The following CAMK2D variants were observed in gnomAD, a reference collection of about 807,000 sequenced individuals.
CAMK2D encodes the protein calcium/calmodulin dependent protein kinase II delta, also known as calcium/calmodulin-dependent protein kinase type II subunit delta.
In CAMK2D, 37 loss-of-function variants were observed where a neutral mutation model predicts 84.0. The ratio of observed to expected loss-of-function variants is 0.44; its 90% CI spans 0.34 to 0.58. CAMK2D has a LOEUF of 0.58. CAMK2D is among the 20% of genes least tolerant of loss of function. The pLI is 0.02. For synonymous variants in CAMK2D, 202 were observed against 212.5 expected, an observed-to-expected ratio of 0.95 and a Z score of 0.43; for missense variants, 448 against 652.5, an observed-to-expected ratio of 0.69 and a Z score of 3.41.
chr4:113,465,570 T>G lies in CAMK2D; in HGVS notation c.1170A>C (p.Gln390His). ...CCCCATTGTTGATAGCTTCGATCAG[T>G]TGTTCAGTGACTTTGATAATCTCTT... ...RKQEIIKVTE[Q>H]LIEAINNGDF... is the part of the protein sequence containing the mutation. Residue 390 changes from glutamine to histidine, a missense_variant, in exon 17 of 21, where the codon CAA becomes CAC. Around this residue, in one of 7 missense-constraint regions of CAMK2D, gnomAD observed 219 missense variants for 272.1 expected, o/e 0.80. Coordinates refer to ENST00000511664, the MANE Select transcript of CAMK2D (RefSeq NM_001321571.2). 1 of 1,613,234 alleles carries G rather than the reference T, an allele frequency of 6.2e-7. No individual in the cohort carries two copies. Among genetic ancestry groups the G allele is most frequent in the Non-Finnish European group, 8.5e-7 (1 of 1,179,238 alleles).
chr4:113,534,184 T>G (rs2154185306), intron 7 of CAMK2D, among the ~76,000 whole-genome samples: 1 of 152,282 alleles, frequency 6.6e-6, no homozygotes, highest in African/African-American at 2.4e-5. Flanking sequence ...CAGATCATAA[T>G]GAATAAACAT....
At chr4:113,685,078 T>C (rs2099355792) in intron 2 of CAMK2D, among the ~76,000 whole-genome samples, 1 of 152,104 alleles carries the variant, frequency 6.6e-6, no homozygotes, top group Admixed American at 6.6e-5. Context: ...AGTAAACCAA[T>C]GATAGGAGGG....
At chr4:113,577,756 AT>A (rs36039505) in intron 4 of CAMK2D, among the ~76,000 whole-genome samples, 88,160 of 147,960 alleles carry the variant, frequency 0.6, 26,845 homozygotes, top group Middle Eastern at 0.72. Context: ...TTCGTATACT[AT>A]TTTTTTTTTT....
At chr4:113,759,753 G>A (rs1485534755) in intron 1 of CAMK2D, among the ~76,000 whole-genome samples, 1 of 152,158 alleles carries the variant, frequency 6.6e-6, no homozygotes, top group African/African-American at 2.4e-5. Flanking sequence ...CAGAGCAGAC[G>A]AGGAGCAGCA....
In CAMK2D at chr4:113,563,325, A is replaced by G. The variant is rs543125732; in HGVS notation, c.276-11229T>C. Among the ~76,000 whole-genome samples, 10 of 152,348 alleles carry G rather than the reference A, an allele frequency of 6.6e-5. 1 individual carries two copies. The South Asian group carries it at 1.7e-3, about 25-fold the overall frequency. The stretch of plus-strand genomic sequence containing the variant: ...AAACACAGTATTTGTAGGCATCATT[A>G]CTGACAAATGTTAAGTTACTACAAT... On this transcript the variant is annotated intron_variant, in intron 4 of 20. Transcript: ENST00000511664.
chr4:113,720,588 C>A (rs1215358570), intron 2 of CAMK2D, among the ~76,000 whole-genome samples: 3 of 151,792 alleles, frequency 2.0e-5, no homozygotes, highest in Admixed American at 2.0e-4. Flanking sequence ...CAAAAAAAAG[C>A]TAATATCAAA....
intron 2 of CAMK2D, among the ~76,000 whole-genome samples, chr4:113,688,250 G>A (rs924889989): frequency 6.6e-6 from 1 of 152,194 alleles, no homozygotes; most frequent in African/African-American, 2.4e-5. Flanking sequence ...CCCTCACAAG[G>A]AGGTCTGTGT....
At chr4:113,726,423 C>T (rs972929401) in intron 2 of CAMK2D, among the ~76,000 whole-genome samples, 1 of 120,298 alleles carries the variant, frequency 8.3e-6, no homozygotes, top group African/African-American at 3.2e-5. Context: ...CTCTGTTACT[C>T]AGGCTGGGGT....
intron 2 of CAMK2D, among the ~76,000 whole-genome samples, chr4:113,735,454 G>A (rs2049091391): frequency 7.2e-6 from 1 of 138,250 alleles, no homozygotes; most frequent in African/African-American, 3.3e-5. Context: ...CAACCTGAGT[G>A]ACAGAGTGAG....
intron 4 of CAMK2D, among the ~76,000 whole-genome samples, chr4:113,569,054 T>A (rs2098739526): frequency 6.6e-6 from 1 of 152,102 alleles, no homozygotes; most frequent in Non-Finnish European, 1.5e-5. Flanking sequence ...TTTCATTAAT[T>A]TTTCTTTTTG....
rs150858496 is a variant in CAMK2D at position 113,626,303 on chromosome 4, T to C, written c.221-17097A>G. On this transcript the variant is annotated intron_variant, in intron 3 of 20. Transcript: ENST00000511664. ...AATCAAGAAAAACAAATTCATTCTT[T>C]AGTGGATGAAATCTACTCTTGGCCT... 2.4e-3 allele frequency among the ~76,000 whole-genome samples: 373 copies of C among 152,316 alleles called. 1 individual carries two copies. Among genetic ancestry groups the C allele is most frequent in the African/African-American group, 8.6e-3 (356 of 41,576 alleles).
intron 11 of CAMK2D, 131 bp downstream of exon 11, chr4:113,513,699 C>T: frequency 1.6e-6 from 1 of 610,904 alleles, no homozygotes; most frequent in Non-Finnish European, 3.0e-6. Flanking sequence ...TCCCAAGAGC[C>T]CCAAAAAGAA....
chr4:113,564,381 G>A (rs1168691289), intron 4 of CAMK2D, among the ~76,000 whole-genome samples: 3 of 151,920 alleles, frequency 2.0e-5, no homozygotes, highest in Non-Finnish European at 4.4e-5. Context: ...GCCTAGCTAG[G>A]CAATCTTGAT....
intron 6 of CAMK2D, among the ~76,000 whole-genome samples, chr4:113,546,277 G>T (rs1036892864): frequency 1.4e-4 from 21 of 152,170 alleles, no homozygotes; most frequent in Non-Finnish European, 4.4e-5. Context: ...TCTGTAAATG[G>T]CCAGTAAAGA....
rs1446325174 is a variant in CAMK2D, at chr4:113,592,017, C to A, written c.275+17135G>T. On this transcript the variant is annotated intron_variant, in intron 4 of 20. Transcript: ENST00000511664. ...TTTACCTCTAGTACTTAGCAAAGTT[C>A]TTTGCATATAATTAGTACTTAATAA... is the stretch of plus-strand genomic sequence containing the variant. Among the ~76,000 whole-genome samples the A allele has an allele frequency of 2.6e-5, 4 of 152,210 alleles. No homozygotes were observed. The East Asian group carries it at 7.7e-4, about 29-fold the overall frequency.
At chr4:113,665,470 G>A (rs2099253734) in intron 2 of CAMK2D, among the ~76,000 whole-genome samples, 1 of 152,100 alleles carries the variant, frequency 6.6e-6, no homozygotes, top group South Asian at 2.1e-4. Flanking sequence ...TACTTTTAAA[G>A]TCTCCTTTAC....
chr4:113,638,999 T>C (rs966095552), intron 3 of CAMK2D, among the ~76,000 whole-genome samples: 18 of 151,812 alleles, frequency 1.2e-4, no homozygotes, highest in African/African-American at 2.7e-4. Flanking sequence ...TCCCAGCACT[T>C]TGGGAGGCCA....
At chr4:113,541,077 G>A (rs1406752052) in intron 6 of CAMK2D, among the ~76,000 whole-genome samples, 3 of 152,168 alleles carry the variant, frequency 2.0e-5, no homozygotes, top group Admixed American at 2.0e-4. Context: ...GAATACAATG[G>A]CAATTTCTTT....
At chr4:113,738,207 G>GA (rs572007050) in intron 2 of CAMK2D, among the ~76,000 whole-genome samples, 3,399 of 107,552 alleles carry the variant, frequency 0.032, 84 homozygotes, top group African/African-American at 0.083. Flanking sequence ...TATGTTCTTT[G>GA]AAAAAAAAAA....
Sources: allele counts gnomAD v4.1 joint callset (sites outside exome capture counted in the v4.1 genomes callset), GRCh38; gene constraint gnomAD v4.1.1; regional missense constraint gnomAD v4.1.1; transcripts MANE v1.5; gene names NCBI Gene and HGNC (gene_info 2026-07-23, HGNC 2026-07-21).